NVL: variants seen among roughly 807,000 people sequenced by gnomAD.
NVL encodes the protein nuclear valosin-containing protein-like.
NVL carries 84 observed loss-of-function variants against 110.2 expected under a neutral mutation model. The ratio of observed to expected loss-of-function variants is 0.76; its 90% confidence interval spans 0.64 to 0.91. NVL has a LOEUF of 0.91. Ranked by LOEUF, NVL falls within the 40% of genes least tolerant of loss-of-function variation. NVL has a pLI of 0.00. For missense variants in NVL, 882 were observed against 1,035.9 expected (o/e 0.85, Z 2.04); for synonymous variants, 354 against 361.1 (o/e 0.98, Z 0.22).
chr1:224,303,918 G>A (rs1446316186), intron 8 of NVL, 61 bp from the exon 9 acceptor site: 3 of 1,521,472 alleles, frequency 2.0e-6, no homozygotes, highest in African/African-American at 1.4e-5. Context: ...AGAATGAAAT[G>A]TCCTATTTTT....
intron 18 of NVL, among the ~76,000 whole-genome samples, chr1:224,264,381 G>T (rs1017119900): frequency 2.0e-5 from 3 of 151,514 alleles, no homozygotes; most frequent in Non-Finnish European, 4.4e-5. Flanking sequence ...CTGAGTAGCC[G>T]GGATTGCAGG....
intron 12 of NVL, among the ~76,000 whole-genome samples, chr1:224,293,554 T>C (rs1403661806): frequency 6.6e-6 from 1 of 152,222 alleles, no homozygotes; most frequent in Non-Finnish European, 1.5e-5. Flanking sequence ...CTGGCTGCCA[T>C]TTCATTACTG....
intron 18 of NVL, among the ~76,000 whole-genome samples, chr1:224,250,565 T>C (rs1487406696): frequency 6.6e-6 from 1 of 152,016 alleles, no homozygotes; most frequent in Non-Finnish European, 1.5e-5. Context: ...ATTAATTAAT[T>C]AATTTTTATT....
intron 4 of NVL, among the ~76,000 whole-genome samples, chr1:224,316,614 T>A (rs1481370762): frequency 7.0e-6 from 1 of 142,116 alleles, no homozygotes; most frequent in Non-Finnish European, 1.5e-5. Flanking sequence ...AAGGCTGCAA[T>A]GAGCTGTGAT....
intron 2 of NVL, among the ~76,000 whole-genome samples, chr1:224,321,700 G>A (rs2102786583): frequency 6.6e-6 from 1 of 151,316 alleles, no homozygotes; most frequent in Middle Eastern, 3.4e-3. Flanking sequence ...AGGTTGCAGT[G>A]AGCCGAGATT....
At chr1:224,254,772 A>G (rs1662985176) in intron 18 of NVL, among the ~76,000 whole-genome samples, 2 of 151,782 alleles carry the variant, frequency 1.3e-5, no homozygotes, top group African/African-American at 4.8e-5. Context: ...GACAACTGAC[A>G]CAGGCATTAC....
Position 224,249,560 on chromosome 1 carries a change from C to CAT in NVL, c.2289+651_2289+652insAT, listed in dbSNP as rs568684602. 3.5e-3 allele frequency among the ~76,000 whole-genome samples: 540 copies of CAT among 152,190 alleles called. 6 individuals are homozygous for CAT. Among genetic ancestry groups the CAT allele is most frequent in the African/African-American group, 0.012 (502 of 41,558 alleles). ...GAGATCGAGACCATCCTGGCTAACA[C>CAT]GGTAAAACCCCGTCTCTACTAAAAA... On this transcript the variant is annotated intron_variant, in intron 19 of 22. Transcript: ENST00000281701.
At chr1:224,295,359 A>AT (rs1038626343) in intron 11 of NVL, among the ~76,000 whole-genome samples, 1 of 151,708 alleles carries the variant, frequency 6.6e-6, no homozygotes. Context: ...CGCCCGGCTA[A>AT]TTTTTTTATT....
intron 14 of NVL, among the ~76,000 whole-genome samples, chr1:224,286,345 ACAGG>A (rs1188747678): frequency 6.6e-6 from 1 of 151,850 alleles, no homozygotes; most frequent in Non-Finnish European, 1.5e-5. Context: ...AGCTGGGACT[ACAGG>A]CACATGCCAC....
intron 15 of NVL, among the ~76,000 whole-genome samples, chr1:224,284,209 T>C (rs539886554): frequency 3.3e-5 from 5 of 152,156 alleles, no homozygotes; most frequent in African/African-American, 7.2e-5. Flanking sequence ...GTGTCAAACA[T>C]GGTTACAGTC....
chr1:224,240,755 C>T (rs1383513298), intron 19 of NVL, among the ~76,000 whole-genome samples: 1 of 150,364 alleles, frequency 6.7e-6, no homozygotes, highest in Non-Finnish European at 1.5e-5. Flanking sequence ...TTCAAGTACC[C>T]TCACTTGAAA....
intron 10 of NVL, 26 bp downstream of exon 10, chr1:224,300,536 C>T (rs1393889496): frequency 6.4e-7 from 1 of 1,553,570 alleles, no homozygotes; most frequent in East Asian, 2.2e-5. Flanking sequence ...GTCTGACCAC[C>T]TGGCATTAGT....
In NVL at chr1:224,233,832, A is replaced by G. The variant is rs1660173074; in HGVS notation, c.2367-543T>C. Among the ~76,000 whole-genome samples, 3 of 152,310 alleles carry G rather than the reference A, an allele frequency of 2.0e-5. No homozygotes were observed. In the South Asian group the frequency reaches 6.2e-4, roughly 32 times the overall value. ...TTATGGAGGAAACAATACAATGCAT[A>G]AAGGGCTAAAGTGCTGACTAGCATA... On this transcript the variant is annotated intron_variant, in intron 20 of 22. Transcript: ENST00000281701.
rs1452462155 is a variant in NVL, at chr1:224,249,788, C to T, written c.2289+424G>A. 3.3e-5 allele frequency among the ~76,000 whole-genome samples: 5 copies of T among 152,196 alleles called. No individual in the cohort carries two copies. In the East Asian group the frequency reaches 9.8e-4, roughly 30 times the overall value. On this transcript the variant is annotated intron_variant, in intron 19 of 22. Coordinates refer to ENST00000281701, the MANE Select transcript of NVL (RefSeq NM_002533.4). ...TTGCTCTGTTGCCCAGGCTGGAGTA[C>T]AGTGGTGTGATCACAGCTCCCTGCA...
Position 224,236,709 on chromosome 1 carries a change from G to A in NVL, c.2290-127C>T, listed in dbSNP as rs759003610. 67 of 668,068 alleles carry A rather than the reference G, an allele frequency of 1.0e-4. No homozygotes were observed. The Middle Eastern group carries it at 5.2e-3, about 52-fold the overall frequency. The allele number at this position is 668,068 out of a possible 1,614,324, so 41.4% of individuals were successfully genotyped here. A position where few individuals can be genotyped will look rare whatever the true frequency, so the allele number is the denominator to read the frequency against. On this transcript the variant is annotated intron_variant, in intron 19 of 22. Coordinates refer to ENST00000281701, the MANE Select transcript of NVL (RefSeq NM_002533.4). ...GCAGATCACCTGAGGTCAGGAGTTC[G>A]AGACCAACCTGTGGAACATGGTAAA...
chr1:224,277,968 G>T (rs1037368159), intron 16 of NVL, among the ~76,000 whole-genome samples: 26 of 152,018 alleles, frequency 1.7e-4, no homozygotes, highest in Admixed American at 4.6e-4. Context: ...TTAATTGTTC[G>T]AATCTTTCAG....
intron 22 of NVL, among the ~76,000 whole-genome samples, chr1:224,228,208 A>C (rs1659404404): frequency 6.6e-6 from 1 of 152,136 alleles, no homozygotes; most frequent in Admixed American, 6.5e-5. Context: ...AGTTTTCCTA[A>C]AAAATCAGGT....
chr1:224,305,225 T>C lies in NVL; in HGVS notation c.616-59A>G. ...TAAAATTCTATGCCAATAATTGTTTTACTTTTTAAAGAGGGGCATTGTAAA... is the reference window on the plus strand; with the variant it reads ...TAAAATTCTATGCCAATAATTGTTTCACTTTTTAAAGAGGGGCATTGTAAA... On this transcript the variant is annotated intron_variant, in intron 6 of 22. Coordinates refer to ENST00000281701, the MANE Select transcript of NVL (RefSeq NM_002533.4). 3 of 1,532,762 alleles carry C rather than the reference T, an allele frequency of 2.0e-6. No homozygotes were observed. The East Asian group carries it at 6.8e-5, about 35-fold the overall frequency. 94.9% of individuals were successfully genotyped at this position (1,532,762 alleles called of 1,614,324 possible).
At chr1:224,326,308 C>T in intron 2 of NVL, 83 bp downstream of exon 2, 1 of 949,714 alleles carries the variant, frequency 1.1e-6, no homozygotes, top group South Asian at 1.6e-5. Context: ...CTGATATCAA[C>T]TGGAAATTTA....
Sources: allele counts gnomAD v4.1 joint callset (sites outside exome capture counted in the v4.1 genomes callset), GRCh38; gene constraint gnomAD v4.1.1; transcripts MANE v1.5; gene names NCBI Gene and HGNC (gene_info 2026-07-23, HGNC 2026-07-21).